Variants in CCNY observed in about 807,000 individuals in gnomAD.
CCNY encodes the protein cyclin Y, also known as cyclin-Y.
Under a neutral mutation model 42.8 loss-of-function variants are expected in CCNY, and 19 were observed. The observed-to-expected ratio is 0.44, with a 90% confidence interval of 0.31 to 0.65. CCNY has a LOEUF of 0.65. Ranked by LOEUF, CCNY falls within the 30% of genes least tolerant of loss-of-function variation. The pLI is 0.07. For synonymous variants in CCNY, 165 were observed against 162.7 expected (o/e 1.01, Z -0.11); for missense variants, 370 against 437.3 (o/e 0.85, Z 1.37).
chr10:35,557,471 C>T (rs1312293576), intron 8 of CCNY, among the ~76,000 whole-genome samples: 5 of 152,144 alleles, frequency 3.3e-5, no homozygotes, highest in African/African-American at 1.2e-4. Context: ...TATAGACATA[C>T]TAAAGCTGGG....
intron 1 of CCNY, among the ~76,000 whole-genome samples, chr10:35,382,085 T>G (rs1319717332): frequency 6.6e-6 from 1 of 152,220 alleles, no homozygotes; most frequent in Non-Finnish European, 1.5e-5. Context: ...CCTTCCTGGG[T>G]GTCTAATGTG....
At chr10:35,372,554 C>G (rs1203480394) in intron 1 of CCNY, among the ~76,000 whole-genome samples, 1 of 152,128 alleles carries the variant, frequency 6.6e-6, no homozygotes, top group Non-Finnish European at 1.5e-5. Context: ...CTGAGCACTC[C>G]CTACATTGTT....
At chr10:35,516,692 TAACTG>T (rs1840438505) in intron 4 of CCNY, 69 bp downstream of exon 4, 1 of 827,854 alleles carries the variant, frequency 1.2e-6, no homozygotes, top group Non-Finnish European at 1.8e-6. Flanking sequence ...TTTTTTTACT[TAACTG>T]AATGCTTTTT....
intron 3 of CCNY, among the ~76,000 whole-genome samples, chr10:35,267,367 C>T (rs1190341100): frequency 6.6e-6 from 1 of 151,914 alleles, no homozygotes; most frequent in Non-Finnish European, 1.5e-5. Flanking sequence ...TTGTGGGAAG[C>T]TTCTTCCCTG....
intron 1 of CCNY, among the ~76,000 whole-genome samples, chr10:35,416,111 TG>T (rs1446231556): frequency 1.3e-5 from 2 of 151,852 alleles, no homozygotes; most frequent in Non-Finnish European, 2.9e-5. Flanking sequence ...CTGGTACCCG[TG>T]GGGTGCTGTT....
intron 2 of CCNY, among the ~76,000 whole-genome samples, chr10:35,493,343 C>T (rs1839940590): frequency 6.6e-6 from 1 of 152,198 alleles, no homozygotes; most frequent in East Asian, 1.9e-4. Context: ...CAGCCTTGTC[C>T]TACTGTTAGA....
At chr10:35,267,522 A>C (rs1274265232) in intron 3 of CCNY, among the ~76,000 whole-genome samples, 1 of 152,158 alleles carries the variant, frequency 6.6e-6, no homozygotes, top group East Asian at 1.9e-4. Context: ...TACACAGCTG[A>C]CAGTCCAACA....
At chr10:35,515,250 G>T (rs899208381) in intron 3 of CCNY, among the ~76,000 whole-genome samples, 2 of 152,174 alleles carry the variant, frequency 1.3e-5, no homozygotes, top group Non-Finnish European at 2.9e-5. Context: ...GTTTGCTGTT[G>T]ATGTGAGACT....
chr10:35,373,479 AT>A (rs1264760471), intron 1 of CCNY, among the ~76,000 whole-genome samples: 1 of 152,104 alleles, frequency 6.6e-6, no homozygotes, highest in African/African-American at 2.4e-5. Context: ...TTTACTTTGT[AT>A]TTCTAACATG....
upstream of CCNY, among the ~76,000 whole-genome samples, chr10:35,332,839 C>T (rs1365724164): frequency 1.7e-4 from 26 of 152,170 alleles, no homozygotes; most frequent in Admixed American, 1.5e-3. Context: ...CTCCTGACCT[C>T]GTGATCCACT....
intron 1 of CCNY, among the ~76,000 whole-genome samples, chr10:35,347,731 C>T (rs1024583690): frequency 2.0e-5 from 3 of 151,990 alleles, no homozygotes; most frequent in African/African-American, 4.8e-5. Flanking sequence ...ATTTAGAATT[C>T]TGTCTATTAA....
chr10:35,518,544 C>G (rs1194791190), intron 4 of CCNY, among the ~76,000 whole-genome samples: 1 of 127,180 alleles, frequency 7.9e-6, no homozygotes, highest in African/African-American at 3.3e-5. Flanking sequence ...TTGTGAGTAT[C>G]TGGATTTTTA....
intron 3 of CCNY, among the ~76,000 whole-genome samples, chr10:35,253,874 G>GTT (rs34396120): frequency 5.0e-4 from 65 of 129,290 alleles, no homozygotes; most frequent in Admixed American, 7.1e-4. Flanking sequence ...TTGAGCAACT[G>GTT]TTTTTTTTTT....
At chr10:35,537,932 T>TC (rs1365539955) in intron 7 of CCNY, among the ~76,000 whole-genome samples, 1 of 152,164 alleles carries the variant, frequency 6.6e-6, no homozygotes, top group African/African-American at 2.4e-5. Context: ...TTTGGCTGTG[T>TC]CCCCACCAAG....
At chr10:35,414,603 G>T (rs970671948) in intron 1 of CCNY, among the ~76,000 whole-genome samples, 1 of 152,208 alleles carries the variant, frequency 6.6e-6, no homozygotes, top group Non-Finnish European at 1.5e-5. Flanking sequence ...ACCAGGAGGC[G>T]GGAATCATTG....
intron 3 of CCNY, among the ~76,000 whole-genome samples, chr10:35,302,519 C>T (rs543250617): frequency 1.3e-5 from 2 of 152,076 alleles, no homozygotes; most frequent in South Asian, 4.2e-4. Flanking sequence ...CCATGTTGGC[C>T]AGGCTGGTCT....
rs1839572968 is a variant in CCNY at position 35,478,426 on chromosome 10, G to T, written c.155-4978G>T. On this transcript the variant is annotated intron_variant, in intron 1 of 9. Coordinates refer to ENST00000374704, the MANE Select transcript of CCNY (RefSeq NM_145012.6). ...ACAGTAACCAAAACAGCATGGTACT[G>T]GTACCAAAACAGAGATATAGATCAA... 2.6e-5 allele frequency among the ~76,000 whole-genome samples: 4 copies of T among 151,044 alleles called. 1 individual carries two copies. The highest frequency in any genetic ancestry group is 2.1e-4 in the South Asian group (1 of 4,786).
chr10:35,440,554 A>G (rs1231875700), intron 1 of CCNY, among the ~76,000 whole-genome samples: 1 of 151,928 alleles, frequency 6.6e-6, no homozygotes, highest in Non-Finnish European at 1.5e-5. Context: ...CCTAGTGCTG[A>G]CTCTTTGCTA....
rs1338017141 is a variant in CCNY, at chr10:35,259,503, T to TTTG, written c.-9+8879_-9+8880insGTT. Among the ~76,000 whole-genome samples, 91 of 131,886 alleles carry TTTG rather than the reference T, an allele frequency of 6.9e-4. 2 individuals are homozygous for TTTG. The highest frequency in any genetic ancestry group is 2.6e-3 in the African/African-American group (90 of 34,370). 86.5% of individuals were successfully genotyped at this position (131,886 alleles called of 152,430 possible). On this transcript the variant is annotated intron_variant, in intron 3 of 11. Coordinates refer to the CCNY transcript ENST00000374706. ...CACACCCAGTCCTGGTTGTTTTTTTTTTTTTTTTTTTTTTTTTGAGACAGA... is the reference window on the plus strand; with the variant it reads ...CACACCCAGTCCTGGTTGTTTTTTTTTTGTTTTTTTTTTTTTTTTTGAGACAGA...
Sources: gnomAD v4.1 joint callset for allele counts (sites outside exome capture counted in the v4.1 genomes callset) on GRCh38, gnomAD v4.1.1 for gene constraint, MANE v1.5 for transcripts, NCBI Gene and HGNC (gene_info 2026-07-23, HGNC 2026-07-21) for gene names.